FGF12: variants seen among roughly 807,000 people sequenced by gnomAD.
The protein encoded by FGF12 is fibroblast growth factor 12B.
Under a neutral mutation model 23.6 loss-of-function variants are expected in FGF12, and 14 were observed. That is an observed-to-expected ratio of 0.59 (90% CI 0.39 to 0.93). The LOEUF (loss-of-function observed/expected upper bound fraction) is 0.93. FGF12 is among the 40% of genes least tolerant of loss of function. The pLI, the probability that FGF12 is intolerant of heterozygous loss-of-function variation, is 0.00. For synonymous variants in FGF12, 62 were observed against 77.3 expected, an observed-to-expected ratio of 0.80 and a Z score of 1.04; for missense variants, 175 against 217.8, an observed-to-expected ratio of 0.80 and a Z score of 1.24.
chr3:192,199,242 G>C (rs1037733483), intron 4 of FGF12, among the ~76,000 whole-genome samples: 4 of 152,202 alleles, frequency 2.6e-5, no homozygotes, highest in Non-Finnish European at 5.9e-5. Flanking sequence ...AAGAGCCTAT[G>C]AGCCTAAAAC....
intron 4 of FGF12, among the ~76,000 whole-genome samples, chr3:192,241,740 A>G (rs2108595686): frequency 6.6e-6 from 1 of 152,318 alleles, no homozygotes; most frequent in African/African-American, 2.4e-5. Flanking sequence ...CCATGAGGGA[A>G]AGGATGTCTG....
rs556582726 is a variant in FGF12 at position 192,288,569 on chromosome 3, A to G, written c.228+46792T>C. Among the ~76,000 whole-genome samples, 152 of 152,190 alleles carry G rather than the reference A, an allele frequency of 1.0e-3. 1 individual carries two copies. Among genetic ancestry groups the G allele is most frequent in the African/African-American group, 3.6e-3 (151 of 41,556 alleles). On this transcript the variant is annotated intron_variant, in intron 4 of 5. Coordinates refer to ENST00000445105, the MANE Select transcript of FGF12 (RefSeq NM_004113.6). ...TCTTAATTGATGATTCCACGTTTCC[A>G]CTTAACAGCCTGAAAGTTCATCCAT...
At chr3:192,157,175 C>T (rs1275030554) in intron 5 of FGF12, among the ~76,000 whole-genome samples, 1 of 152,164 alleles carries the variant, frequency 6.6e-6, no homozygotes, top group Non-Finnish European at 1.5e-5. Flanking sequence ...GCAGAATGCA[C>T]TTGTGAGATA....
chr3:192,294,969 C>CTTAATAG (rs1453285396), intron 4 of FGF12, among the ~76,000 whole-genome samples: 1 of 152,094 alleles, frequency 6.6e-6, no homozygotes, highest in African/African-American at 2.4e-5. Flanking sequence ...AAAATAATAC[C>CTTAATAG]AGTGGACTCT....
Position 192,334,222 on chromosome 3 carries a change from G to A in FGF12, c.228+1139C>T, listed in dbSNP as rs559509031. Among the ~76,000 whole-genome samples, 24 of 152,156 alleles carry A rather than the reference G, an allele frequency of 1.6e-4. No homozygotes were observed. The South Asian group carries it at 3.5e-3, about 22-fold the overall frequency. On this transcript the variant is annotated intron_variant, in intron 4 of 5. Transcript: ENST00000445105. ...CAGGATTAAGACACAGGAGGCAGAC[G>A]GAGTTCAGAGGAGACTTGAGGCTGC...
intron 5 of FGF12, 36 bp from the exon 6 acceptor site, chr3:192,144,163 T>C (rs750680502): frequency 8.1e-7 from 1 of 1,232,720 alleles, no homozygotes; most frequent in South Asian, 1.3e-5. Context: ...CTTATGACAG[T>C]GGACATAAAT....
At chr3:192,614,281 A>G (rs1714665974) in intron 2 of FGF12, among the ~76,000 whole-genome samples, 2 of 151,724 alleles carry the variant, frequency 1.3e-5, no homozygotes, top group Admixed American at 6.6e-5. Context: ...TTTTTCAAAC[A>G]ATCTGCTACA....
chr3:192,574,781 A>T (rs1037046590), intron 2 of FGF12, among the ~76,000 whole-genome samples: 1 of 152,152 alleles, frequency 6.6e-6, no homozygotes, highest in Admixed American at 6.5e-5. Flanking sequence ...TTTGGAAGTG[A>T]CTCCTCCAGC....
At chr3:192,473,256 T>G (rs1723223491) in intron 2 of FGF12, among the ~76,000 whole-genome samples, 1 of 152,210 alleles carries the variant, frequency 6.6e-6, no homozygotes, top group African/African-American at 2.4e-5. Context: ...TGCAGAAGTT[T>G]GACCTAACCT....
chr3:192,655,155 C>G (rs993627512), intron 2 of FGF12, among the ~76,000 whole-genome samples: 4 of 152,194 alleles, frequency 2.6e-5, no homozygotes, highest in Admixed American at 6.5e-5. Flanking sequence ...ACTCAAAATT[C>G]TCTGTGTGCA....
At chr3:192,644,166 T>C (rs1421686804) in intron 2 of FGF12, among the ~76,000 whole-genome samples, 1 of 152,262 alleles carries the variant, frequency 6.6e-6, no homozygotes, top group African/African-American at 2.4e-5. Context: ...TGTCCACTGC[T>C]AAAATGTAAA....
At chr3:192,689,633 G>T (rs1553847185) in intron 2 of FGF12, among the ~76,000 whole-genome samples, 1 of 151,110 alleles carries the variant, frequency 6.6e-6, no homozygotes, top group Admixed American at 6.6e-5. Flanking sequence ...GTAGAAAAAA[G>T]AAAAAAAGGA....
intron 2 of FGF12, among the ~76,000 whole-genome samples, chr3:192,631,332 G>C (rs1715384828): frequency 6.6e-6 from 1 of 152,132 alleles, no homozygotes; most frequent in Non-Finnish European, 1.5e-5. Context: ...CACTCCTCTA[G>C]CATCCATCAC....
At chr3:192,149,347 G>A (rs992789547) in intron 5 of FGF12, among the ~76,000 whole-genome samples, 1 of 150,816 alleles carries the variant, frequency 6.6e-6, no homozygotes, top group Non-Finnish European at 1.5e-5. Context: ...AAGTTTTAGG[G>A]TACATGTGCA....
At chr3:192,164,108 G>GGAGGAGGGAGGAGAA (rs1715026599) in intron 5 of FGF12, among the ~76,000 whole-genome samples, 1 of 152,082 alleles carries the variant, frequency 6.6e-6, no homozygotes, top group African/African-American at 2.4e-5. Flanking sequence ...GCTTCTTGAA[G>GGAGGAGGGAGGAGAA]GAGGAGGGAG....
chr3:192,397,649 T>A (rs868646799), intron 2 of FGF12, among the ~76,000 whole-genome samples: 1 of 152,222 alleles, frequency 6.6e-6, no homozygotes, highest in Middle Eastern at 3.2e-3. Context: ...TGAATGAACC[T>A]TTTCTGTTGC....
intron 2 of FGF12, among the ~76,000 whole-genome samples, chr3:192,599,269 A>AATAATAATTATAATAATAATAATT (rs1553837298): frequency 2.0e-5 from 3 of 148,094 alleles, no homozygotes; most frequent in African/African-American, 7.5e-5. Context: ...TAATAATAAT[A>AATAATAATTATAATAATAATAATT]ATAATAATAA....
At chr3:192,290,180 G>A (rs1053720322) in intron 4 of FGF12, among the ~76,000 whole-genome samples, 1 of 152,064 alleles carries the variant, frequency 6.6e-6, no homozygotes, top group Non-Finnish European at 1.5e-5. Flanking sequence ...AAATTACTAC[G>A]ATAGTAAACT....
Position 192,203,285 on chromosome 3 carries a change from C to A in FGF12, c.229-32629G>T, listed in dbSNP as rs186903535. On this transcript the variant is annotated intron_variant, in intron 4 of 5. Transcript: ENST00000445105. Reference sequence around the variant, plus strand: ...ATTTGTCTTATAACCTGTTTTTTACCTTGACCTAGCTTAATGATCCTTCTA... The same window carrying A: ...ATTTGTCTTATAACCTGTTTTTTACATTGACCTAGCTTAATGATCCTTCTA... 5.3e-5 allele frequency among the ~76,000 whole-genome samples: 8 copies of A among 151,962 alleles called. No homozygotes were observed. The East Asian group carries it at 1.5e-3, about 29-fold the overall frequency.
Sources: allele counts gnomAD v4.1 joint callset (sites outside exome capture counted in the v4.1 genomes callset), GRCh38; gene constraint gnomAD v4.1.1; transcripts MANE v1.5; gene names NCBI Gene and HGNC (gene_info 2026-07-23, HGNC 2026-07-21).